NFIA: variants seen among roughly 807,000 people sequenced by gnomAD.
NFIA encodes the protein nuclear factor I A.
A neutral mutation model predicts 62.8 loss-of-function variants in NFIA; 8 were observed. That is an observed-to-expected ratio of 0.13 (90% CI 0.07 to 0.23). NFIA has a LOEUF of 0.23. Ranked by LOEUF, NFIA falls within the 10% of genes least tolerant of loss-of-function variation. NFIA has a pLI of 1.00. For missense variants in NFIA, 410 were observed against 642.1 expected, an observed-to-expected ratio of 0.64 and a Z score of 3.91; for synonymous variants, 235 against 238.1, an observed-to-expected ratio of 0.99 and a Z score of 0.12.
chr1:61,125,231 TA>T (rs966733598), intron 2 of NFIA: 2 of 152,208 alleles, frequency 1.3e-5, no homozygotes, highest in African/African-American at 4.8e-5. Context: ...GAATGGCCAA[TA>T]ATTTATTCAC....
chr1:61,089,529 G>T (rs1039263160), intron 2 of NFIA, among the ~76,000 whole-genome samples: 1 of 151,994 alleles, frequency 6.6e-6, no homozygotes. Context: ...GGCTCATTGT[G>T]CTATGTGAAC....
chr1:61,333,060 CACACACAT>C (rs893232388), intron 4 of NFIA, among the ~76,000 whole-genome samples: 10 of 148,412 alleles, frequency 6.7e-5, no homozygotes, highest in South Asian at 4.2e-4. Context: ...CACACACACA[CACACACAT>C]ACACACACAC....
chr1:61,139,297 TC>T (rs1427671805), intron 2 of NFIA, among the ~76,000 whole-genome samples: 1 of 152,180 alleles, frequency 6.6e-6, no homozygotes, highest in Non-Finnish European at 1.5e-5. Flanking sequence ...CAGAGGATAG[TC>T]CGGAACTCCC....
chr1:61,449,482 G>T (rs1021747596), intron 10 of NFIA, among the ~76,000 whole-genome samples: 1 of 152,194 alleles, frequency 6.6e-6, no homozygotes, highest in African/African-American at 2.4e-5. Context: ...GAGGGTAAAG[G>T]CCCCAAGAAA....
At chr1:61,100,219 A>G (rs1035864739) in intron 2 of NFIA, among the ~76,000 whole-genome samples, 5 of 152,234 alleles carry the variant, frequency 3.3e-5, no homozygotes, top group African/African-American at 1.2e-4. Context: ...TTCTAAGTCC[A>G]TGCATCTCGG....
intron 3 of NFIA, among the ~76,000 whole-genome samples, chr1:61,309,725 C>CTA (rs1435770331): frequency 6.6e-6 from 1 of 152,100 alleles, no homozygotes; most frequent in Admixed American, 6.5e-5. Flanking sequence ...CCCGTCTCTA[C>CTA]TAAAAATACA....
intron 3 of NFIA, among the ~76,000 whole-genome samples, chr1:61,318,824 A>T (rs1660511148): frequency 6.6e-6 from 1 of 152,164 alleles, no homozygotes; most frequent in Non-Finnish European, 1.5e-5. Context: ...GCCCGACTCA[A>T]GGTATTTGCA....
intron 2 of NFIA, among the ~76,000 whole-genome samples, chr1:61,189,115 G>A (rs1033779082): frequency 6.6e-6 from 1 of 152,116 alleles, no homozygotes; most frequent in African/African-American, 2.4e-5. Context: ...GTAGGGTAAC[G>A]GGTCAAGGAA....
chr1:61,243,480 G>GTAAATCATAGTGAAAAAAAA (rs1425274577), intron 2 of NFIA, among the ~76,000 whole-genome samples: 27 of 152,124 alleles, frequency 1.8e-4, no homozygotes, highest in African/African-American at 6.5e-4. Context: ...CCTCATTACA[G>GTAAATCATAGTGAAAAAAAA]TAAATCATAG....
intron 2 of NFIA, among the ~76,000 whole-genome samples, chr1:61,227,003 A>G (rs1033068148): frequency 2.6e-5 from 4 of 152,190 alleles, no homozygotes; most frequent in East Asian, 1.9e-4. Context: ...GCACAGCTAC[A>G]CTGACCGGTA....
Position 61,406,737 on chromosome 1 carries a change from G to GCTGC in NFIA, c.1420+11_1420+14dup. 2 of 1,597,132 alleles carry GCTGC rather than the reference G, an allele frequency of 1.3e-6. No individual in the cohort carries two copies. The highest frequency in any genetic ancestry group is 4.5e-5 in the East Asian group (2 of 44,060). On this transcript the variant is annotated intron_variant, in intron 9 of 10. Coordinates refer to ENST00000403491, the MANE Select transcript of NFIA (RefSeq NM_001134673.4). ...TCCCCCACGTCACCAAGTAAGTATG[G>GCTGC]CTGCGACAAGGCGCCGGTCACTTCT...
At chr1:61,246,160 G>A (rs1430107125) in intron 2 of NFIA, among the ~76,000 whole-genome samples, 1 of 152,138 alleles carries the variant, frequency 6.6e-6, no homozygotes, top group Non-Finnish European at 1.5e-5. Context: ...AAGCTACTTA[G>A]TATTTAAATA....
intron 3 of NFIA, among the ~76,000 whole-genome samples, chr1:61,321,174 C>T (rs1198398884): frequency 6.6e-6 from 1 of 151,970 alleles, no homozygotes; most frequent in Non-Finnish European, 1.5e-5. Flanking sequence ...TTACAGAAGA[C>T]CTTAGCTTTT....
At chr1:61,321,669 T>C (rs919670082) in intron 3 of NFIA, among the ~76,000 whole-genome samples, 5 of 152,092 alleles carry the variant, frequency 3.3e-5, no homozygotes, top group Admixed American at 6.6e-5. Context: ...TTAACCACAA[T>C]TTTTTTGTTG....
intron 2 of NFIA, among the ~76,000 whole-genome samples, chr1:61,184,424 T>A (rs887743973): frequency 1.3e-5 from 2 of 152,276 alleles, no homozygotes; most frequent in African/African-American, 4.8e-5. Flanking sequence ...GCATGCCAAA[T>A]GTTCTTGCTG....
At chr1:61,362,690 T>A (rs1159052191) in intron 6 of NFIA, among the ~76,000 whole-genome samples, 1 of 152,194 alleles carries the variant, frequency 6.6e-6, no homozygotes. Flanking sequence ...GCATAGGAGA[T>A]TAAAGATGAT....
At chr1:61,377,061 A>G (rs1461951247) in intron 6 of NFIA, among the ~76,000 whole-genome samples, 2 of 151,910 alleles carry the variant, frequency 1.3e-5, no homozygotes, top group African/African-American at 2.4e-5. Flanking sequence ...TACTAAAAAA[A>G]AAAATACAAA....
At chr1:61,144,597 A>G (rs1004848143) in intron 2 of NFIA, among the ~76,000 whole-genome samples, 1 of 152,198 alleles carries the variant, frequency 6.6e-6, no homozygotes, top group Admixed American at 6.5e-5. Flanking sequence ...AGAACTTGGG[A>G]GAGTTAGGAA....
Position 61,456,680 on chromosome 1 carries a change from T to C in NFIA, c.*1360T>C, listed in dbSNP as rs1668315093. On this transcript the variant is annotated 3_prime_UTR_variant, in exon 11 of 11. Coordinates refer to ENST00000403491, the MANE Select transcript of NFIA (RefSeq NM_001134673.4). ...TGGGAAATAATAATAGTAATAATAA[T>C]AATAATAATAATGATGAAACCAATA... 7.0e-6 allele frequency: 1 copy of C among 142,354 alleles called. No individual in the cohort carries two copies. The highest frequency in any genetic ancestry group is 2.1e-4 in the South Asian group (1 of 4,666). 8.8% of individuals were successfully genotyped at this position (142,354 alleles called of 1,614,324 possible).
Sources: gnomAD v4.1 joint callset for allele counts (sites outside exome capture counted in the v4.1 genomes callset) on GRCh38, gnomAD v4.1.1 for gene constraint, MANE v1.5 for transcripts, NCBI Gene and HGNC (gene_info 2026-07-23, HGNC 2026-07-21) for gene names.